CAPN15: variants seen among roughly 807,000 people sequenced by gnomAD.
The protein encoded by CAPN15 is calpain 15, also known as calpain-15.
In CAPN15, 53 loss-of-function variants were observed where a neutral mutation model predicts 97.9. The ratio of observed to expected loss-of-function variants is 0.54; its 90% confidence interval spans 0.43 to 0.68. The LOEUF (loss-of-function observed/expected upper bound fraction) is 0.68, where lower values mean the gene tolerates loss of function less well. CAPN15 is among the 30% of genes least tolerant of loss of function. The pLI is 0.00. For synonymous variants in CAPN15, 922 were observed against 722.5 expected (o/e 1.28, Z -4.43); for missense variants, 1,592 against 1,589.8 (o/e 1.00, Z -0.02).
chr16:537,378 C>T lies in CAPN15; in HGVS notation c.-23+1236C>T, dbSNP rs974089140. 6 of 985,576 alleles carry T rather than the reference C, an allele frequency of 6.1e-6. No individual in the cohort carries two copies. In the East Asian group the frequency reaches 3.4e-4, roughly 56 times the overall value. 61.1% of individuals were successfully genotyped at this position (985,576 alleles called of 1,614,324 possible). ...CCTAAAGGCATCAGTGAGGAGCAGG[C>T]GGGGCCTGGTAGGAGCCTGTGTTTC... On this transcript the variant is annotated intron_variant, in intron 3 of 13. Transcript: ENST00000219611.
chr16:531,766 G>T (rs2033280834), intron 1 of CAPN15, among the ~76,000 whole-genome samples: 1 of 151,934 alleles, frequency 6.6e-6, no homozygotes, highest in African/African-American at 2.4e-5. Context: ...GGCTCCCAAG[G>T]CCCCCGTCCC....
chr16:543,258 C>T (rs995975171), intron 3 of CAPN15: 11 of 154,674 alleles, frequency 7.1e-5, no homozygotes, highest in Middle Eastern at 5.2e-4. Flanking sequence ...AGCACCAGGC[C>T]GAGTTTCAGA....
intron 1 of CAPN15, among the ~76,000 whole-genome samples, chr16:531,266 A>C (rs2033230892): frequency 1.3e-5 from 2 of 152,262 alleles, no homozygotes; most frequent in South Asian, 4.1e-4. Context: ...AGTTGCAATC[A>C]TAGCTCGCTG....
intron 1 of CAPN15, among the ~76,000 whole-genome samples, chr16:532,227 T>G (rs1438143202): frequency 2.8e-4 from 36 of 126,700 alleles, no homozygotes; most frequent in South Asian, 5.1e-4. Context: ...GCGACAGAGC[T>G]ATACTCCGTC....
Position 548,049 on chromosome 16 carries a change from A to T in CAPN15, c.1211A>T (p.Lys404Met). The change falls in exon 4 of 14, where the codon AAG becomes ATG. Residue 404 changes from lysine to methionine, a missense_variant. Coordinates refer to ENST00000219611, the MANE Select transcript of CAPN15 (RefSeq NM_005632.3). ...RSCGRVSSAQ[K>M]AARVLPERPG... ...TGCGGACGGGTGTCCTCGGCCCAGAAGGCCGCCCGCGTCCTGCCCGAGCGC... is the reference window on the plus strand; with the variant it reads ...TGCGGACGGGTGTCCTCGGCCCAGATGGCCGCCCGCGTCCTGCCCGAGCGC... The T allele has an allele frequency of 1.3e-6, 2 of 1,555,828 alleles. No individual in the cohort carries two copies. Among genetic ancestry groups the T allele is most frequent in the Non-Finnish European group, 1.7e-6 (2 of 1,151,810 alleles).
chr16:549,505 G>A (rs546212206), intron 6 of CAPN15, 34 bp downstream of exon 6: 2 of 1,555,542 alleles, frequency 1.3e-6, no homozygotes, highest in South Asian at 2.3e-5. Flanking sequence ...ACGGGCGGCA[G>A]GGGCAGCCTC....
chr16:542,023 G>T (rs1413598792), intron 3 of CAPN15, among the ~76,000 whole-genome samples: 1 of 148,904 alleles, frequency 6.7e-6, no homozygotes, highest in Non-Finnish European at 1.5e-5. Context: ...CACAGGACGT[G>T]GCTGGCTGGG....
chr16:545,005 C>G (rs1395344341), intron 3 of CAPN15, among the ~76,000 whole-genome samples: 3 of 150,320 alleles, frequency 2.0e-5, no homozygotes, highest in Admixed American at 2.0e-4. Context: ...ACTTCAGGAG[C>G]GTTCTGGGTT....
rs1172253227 is a variant in CAPN15 at position 554,560 on chromosome 16, T to C, written c.*1044T>C. On this transcript the variant is annotated 3_prime_UTR_variant, in exon 14 of 14. Transcript: ENST00000219611. ...CTATTTTATCAATTGTCAGTCCCGT[T>C]CCTTTACCATAGGATTCTCCACAGT... 2.2e-6 allele frequency: 1 copy of C among 456,254 alleles called. No individual in the cohort carries two copies. The highest frequency in any genetic ancestry group is 2.3e-5 in the Admixed American group (1 of 42,582). 28.3% of individuals were successfully genotyped at this position (456,254 alleles called of 1,614,324 possible).
chr16:545,108 A>C (rs1410428731), intron 3 of CAPN15, among the ~76,000 whole-genome samples: 1 of 151,844 alleles, frequency 6.6e-6, no homozygotes, highest in African/African-American at 2.4e-5. Context: ...GTCTGGCCTC[A>C]GGAGGTCAAG....
chr16:541,355 C>T lies in CAPN15; in HGVS notation c.-23+5213C>T, dbSNP rs7191594. ...AGTTACCCCGATGAACAGGGAGACG[C>T]GGCAGAGGCAGGGCCGGGGAGGGGC... On this transcript the variant is annotated intron_variant, in intron 3 of 13. Coordinates refer to ENST00000219611, the MANE Select transcript of CAPN15 (RefSeq NM_005632.3). Among the ~76,000 whole-genome samples the T allele has an allele frequency of 1.8e-3, 267 of 150,024 alleles. 1 individual carries two copies. Among genetic ancestry groups the T allele is most frequent in the African/African-American group, 6.2e-3 (250 of 40,398 alleles).
At chr16:529,978 C>G (rs1307843229) in intron 1 of CAPN15, among the ~76,000 whole-genome samples, 2 of 152,230 alleles carry the variant, frequency 1.3e-5, no homozygotes, top group African/African-American at 4.8e-5. Flanking sequence ...TGGTCCTGCC[C>G]TCTGACCCCT....
chr16:545,381 C>T (rs937174905), intron 3 of CAPN15, among the ~76,000 whole-genome samples: 4 of 152,144 alleles, frequency 2.6e-5, no homozygotes, highest in East Asian at 1.9e-4. Flanking sequence ...CTCGGCCCAC[C>T]GAGAGAGGCC....
intron 3 of CAPN15, among the ~76,000 whole-genome samples, chr16:541,750 C>A (rs539246473): frequency 2.6e-5 from 4 of 152,272 alleles, no homozygotes; most frequent in Admixed American, 6.5e-5. Flanking sequence ...TCCAGTGTTA[C>A]AGCATCCCGC....
At chr16:533,192 G>T (rs899391521) in intron 1 of CAPN15, among the ~76,000 whole-genome samples, 1 of 152,242 alleles carries the variant, frequency 6.6e-6, no homozygotes, top group African/African-American at 2.4e-5. Context: ...CTGCACCCCA[G>T]CCTGGGTGAC....
At chr16:550,161 G>A (rs1033963372) in intron 7 of CAPN15, among the ~76,000 whole-genome samples, 3 of 152,190 alleles carry the variant, frequency 2.0e-5, no homozygotes, top group Non-Finnish European at 4.4e-5. Flanking sequence ...ATCCGCCTCG[G>A]GGCAGGCGTG....
In CAPN15 at chr16:552,234, CGGGCT is replaced by C. The variant is rs1373552314; in HGVS notation, c.2507+33_2507+37del. 2.6e-6 allele frequency: 4 copies of C among 1,531,616 alleles called. No individual in the cohort carries two copies. Among genetic ancestry groups the C allele is most frequent in the South Asian group, 1.2e-5 (1 of 81,912 alleles). 94.9% of individuals were successfully genotyped at this position (1,531,616 alleles called of 1,614,324 possible). On this transcript the variant is annotated intron_variant, in intron 10 of 13. Transcript: ENST00000219611. This position sits in a 1 kb window ranked among gnomAD's most constrained non-coding sequence, Gnocchi z 6.4. ...GCAGGTGGGTGCTGCGGGGCCCCAT[CGGGCT>C]GGGCTGGGCTAGGCTGGCGGCCGTG...
intron 3 of CAPN15, among the ~76,000 whole-genome samples, chr16:544,781 CTCCCCCACGTCGTCGT>C: frequency 2.5e-5 from 2 of 79,634 alleles, no homozygotes; most frequent in African/African-American, 1.2e-4. Flanking sequence ...CCCACGTCGT[CTCCCCCACGTCGTCGT>C]CTCCCCCACG....
At chr16:540,352 C>G in intron 3 of CAPN15, 14 of 985,594 alleles carry the variant, frequency 1.4e-5, no homozygotes, top group Non-Finnish European at 1.7e-5. Context: ...GCACCAGCCC[C>G]CACGGCCCCG....
Sources: allele counts gnomAD v4.1 joint callset (sites outside exome capture counted in the v4.1 genomes callset), GRCh38; gene constraint gnomAD v4.1.1; non-coding constraint Gnocchi (gnomAD v3.1); transcripts MANE v1.5; gene names NCBI Gene and HGNC (gene_info 2026-07-23, HGNC 2026-07-21).